PLSCR5: variants seen among roughly 807,000 people sequenced by gnomAD.
The protein encoded by PLSCR5 is phospholipid scramblase family member 5.
In PLSCR5, 44 loss-of-function variants were observed where a neutral mutation model predicts 33.6. The observed-to-expected ratio is 1.31, with a 90% CI of 1.03 to 1.69. The LOEUF (loss-of-function observed/expected upper bound fraction) is 1.69. PLSCR5 is among the 40% of genes most tolerant of loss of function. The pLI is 0.00. For synonymous variants in PLSCR5, 148 were observed against 112.3 expected, an observed-to-expected ratio of 1.32 and a Z score of -2.01; for missense variants, 375 against 318.7, an observed-to-expected ratio of 1.18 and a Z score of -1.34.
rs751369748 is a variant in PLSCR5, at chr3:146,594,060, T to A, written c.313A>T (p.Ser105Cys). The change falls in exon 4 of 8, where the codon AGC (serine) becomes TGC (cysteine). Residue 105 changes from serine to cysteine, a missense_variant. By Grantham distance (112) the Ser-to-Cys change is moderately radical (BLOSUM62 -1). Coordinates refer to ENST00000443512, the MANE Select transcript of PLSCR5 (RefSeq NM_001085420.2). ...GQRIYFAVEE[S>C]ICFNRTFCST... ...CAGAAAGTACGATTGAAGCAGATGCTTTCCTCCACTGCAAAGTAAATTCTT... is the reference window on the plus strand; with the variant it reads ...CAGAAAGTACGATTGAAGCAGATGCATTCCTCCACTGCAAAGTAAATTCTT... The A allele has an allele frequency of 6.2e-7, 1 of 1,613,858 alleles. No homozygotes were observed. The highest frequency in any genetic ancestry group is 1.1e-5 in the South Asian group (1 of 91,084).
chr3:146,594,255 G>T, intron 3 of PLSCR5, 115 bp from the exon 4 acceptor site: 4 of 729,436 alleles, frequency 5.5e-6, no homozygotes, highest in Non-Finnish European at 8.7e-6. Flanking sequence ...TTAAATATAT[G>T]GTATCTTCTT....
chr3:146,588,025 A>C (rs2044679386), intron 6 of PLSCR5, among the ~76,000 whole-genome samples: 1 of 152,102 alleles, frequency 6.6e-6, no homozygotes, highest in Admixed American at 6.6e-5. Flanking sequence ...CAGATTTAGC[A>C]TTCTGAAACC....
At chr3:146,593,407 A>C (rs557258631) in intron 4 of PLSCR5, among the ~76,000 whole-genome samples, 5 of 152,268 alleles carry the variant, frequency 3.3e-5, no homozygotes, top group African/African-American at 1.2e-4. Flanking sequence ...TTATATATTA[A>C]AATAAAATAA....
At chr3:146,603,045 G>A (rs2044832619) in intron 1 of PLSCR5, among the ~76,000 whole-genome samples, 2 of 152,110 alleles carry the variant, frequency 1.3e-5, no homozygotes, top group Non-Finnish European at 2.9e-5. Context: ...GTGTTTGAGA[G>A]CAACTTGCTC....
chr3:146,595,637 T>G (rs1407248309), intron 2 of PLSCR5, among the ~76,000 whole-genome samples: 2 of 152,180 alleles, frequency 1.3e-5, no homozygotes, highest in South Asian at 4.2e-4. Context: ...AAAAGGAGAC[T>G]GAGACAGAAC....
In PLSCR5 at chr3:146,600,391, G is replaced by A. The variant is rs765541537; in HGVS notation, c.86C>T (p.Ala29Val). ...GAPDPDQSLP[A>V]SSNPGNQAWQ... ...TGCTTGGTTCCCTGGATTGGAAGAG[G>A]CAGGAAGGCTTTGGTCTGGGTCTGG... is the stretch of plus-strand genomic sequence containing the variant. The change falls in exon 2 of 8, where the codon GCC becomes GTC. Residue 29 changes from alanine (A) to valine (V), a missense_variant. Transcript: ENST00000443512. The A allele has an allele frequency of 6.2e-7, 1 of 1,610,284 alleles. No homozygotes were observed. The highest frequency in any genetic ancestry group is 8.5e-7 in the Non-Finnish European group (1 of 1,177,986).
chr3:146,591,216 C>T (rs1055079434), intron 5 of PLSCR5, among the ~76,000 whole-genome samples: 2 of 151,814 alleles, frequency 1.3e-5, no homozygotes, highest in African/African-American at 4.8e-5. Flanking sequence ...ATAAATAAAA[C>T]ATACTGAAAC....
intron 1 of PLSCR5, among the ~76,000 whole-genome samples, chr3:146,601,094 T>C (rs2044810350): frequency 6.6e-6 from 1 of 151,246 alleles, no homozygotes; most frequent in African/African-American, 2.4e-5. Flanking sequence ...AATCAAAGAA[T>C]TCTATAAAGT....
At chr3:146,591,928 A>T (rs862912) in intron 4 of PLSCR5, 47 bp from the exon 5 acceptor site, 152,382 of 1,435,386 alleles carry the variant, frequency 0.11, 9,258 homozygotes, top group East Asian at 0.27. Context: ...AGGTTATCAT[A>T]TTTTAATTTT....
intron 5 of PLSCR5, 67 bp downstream of exon 5, chr3:146,591,653 A>G: frequency 1.4e-6 from 2 of 1,451,346 alleles, no homozygotes; most frequent in Non-Finnish European, 1.9e-6. Flanking sequence ...AACATAAAAA[A>G]ATTGAATTAT....
chr3:146,580,894 A>G (rs897286585), downstream of PLSCR5, among the ~76,000 whole-genome samples: 3 of 152,262 alleles, frequency 2.0e-5, no homozygotes, highest in Admixed American at 6.5e-5. Flanking sequence ...TTACTTTTTC[A>G]TGGGTTTGAG....
chr3:146,594,475 T>C (rs1466325251), intron 3 of PLSCR5, among the ~76,000 whole-genome samples: 2 of 152,136 alleles, frequency 1.3e-5, no homozygotes, highest in African/African-American at 2.4e-5. Flanking sequence ...TATAGAACTA[T>C]TGGGACAACT....
intron 2 of PLSCR5, among the ~76,000 whole-genome samples, chr3:146,596,653 A>G (rs923515624): frequency 6.6e-6 from 1 of 152,150 alleles, no homozygotes; most frequent in African/African-American, 2.4e-5. Flanking sequence ...TAATAAACTC[A>G]CCAGTAACTA....
At chr3:146,602,222 A>C (rs2044822687) in intron 1 of PLSCR5, among the ~76,000 whole-genome samples, 1 of 152,142 alleles carries the variant, frequency 6.6e-6, no homozygotes, top group South Asian at 2.1e-4. Context: ...CCTCAATAGG[A>C]TCCTAAGAAG....
chr3:146,593,893 A>G (rs376138641), intron 4 of PLSCR5, 27 bp downstream of exon 4: 1,381 of 1,588,714 alleles, frequency 8.7e-4, no homozygotes, highest in Non-Finnish European at 1.1e-3. Context: ...TAAAAATCAA[A>G]AAGGACAACC....
intron 2 of PLSCR5, among the ~76,000 whole-genome samples, chr3:146,597,473 C>T (rs371269613): frequency 3.3e-5 from 5 of 152,226 alleles, no homozygotes; most frequent in African/African-American, 7.2e-5. Context: ...TCTTAAGTGA[C>T]GACATGAAAC....
At chr3:146,586,405 A>C (rs1201719409) in intron 6 of PLSCR5, among the ~76,000 whole-genome samples, 3 of 152,200 alleles carry the variant, frequency 2.0e-5, no homozygotes, top group Non-Finnish European at 2.9e-5. Flanking sequence ...TAAAAATTTT[A>C]AGCTTCGTGA....
chr3:146,592,473 T>C (rs2044724316), intron 4 of PLSCR5, among the ~76,000 whole-genome samples: 1 of 152,132 alleles, frequency 6.6e-6, no homozygotes, highest in Non-Finnish European at 1.5e-5. Flanking sequence ...GGCATTACTT[T>C]AGCATTTGAC....
At chr3:146,602,922 G>T (rs565598584) in intron 1 of PLSCR5, among the ~76,000 whole-genome samples, 1 of 152,084 alleles carries the variant, frequency 6.6e-6, no homozygotes, top group South Asian at 2.1e-4. Flanking sequence ...GTGAGTCTCT[G>T]CCTGAGACTG....
Sources: gnomAD v4.1 joint callset for allele counts (sites outside exome capture counted in the v4.1 genomes callset) on GRCh38, gnomAD v4.1.1 for gene constraint, MANE v1.5 for transcripts, NCBI Gene and HGNC (gene_info 2026-07-23, HGNC 2026-07-21) for gene names.